Variants in IL6 observed in about 807,000 individuals in gnomAD.
The protein encoded by IL6 is interleukin-6.
Under a neutral mutation model 18.0 loss-of-function variants are expected in IL6, and 5 were observed. That is an observed-to-expected ratio of 0.28 (90% CI 0.15 to 0.58). The LOEUF is 0.58. IL6 is among the 20% of genes least tolerant of loss of function. IL6 has a pLI of 0.90. For missense variants in IL6, 266 were observed against 251.0 expected, an observed-to-expected ratio of 1.06 and a Z score of -0.40; for synonymous variants, 97 against 95.1, an observed-to-expected ratio of 1.02 and a Z score of -0.12.
chr7:22,728,033 T>G (rs1784048841), intron 2 of IL6, among the ~76,000 whole-genome samples: 1 of 152,214 alleles, frequency 6.6e-6, no homozygotes, highest in Non-Finnish European at 1.5e-5. Flanking sequence ...TTTGGTTATG[T>G]AAACTCAATG....
intron 1 of IL6, 71 bp from the exon 2 acceptor site, chr7:22,727,373 C>G (rs764525148): frequency 6.2e-7 from 1 of 1,613,142 alleles, no homozygotes; most frequent in Admixed American, 1.7e-5. Context: ...GGCTGGCGGG[C>G]GGCCAGCAGC....
Position 22,729,665 on chromosome 7 carries a change from G to A in IL6, c.471+5G>A, listed in dbSNP as rs747891634. 1 of 1,614,180 alleles carries A rather than the reference G, an allele frequency of 6.2e-7. No homozygotes were observed. The highest frequency in any genetic ancestry group is 8.5e-7 in the Non-Finnish European group (1 of 1,180,034). ...ATCCAGTTCCTGCAGAAAAAGGTGG[G>A]TGTGTCCTCATTCCCTCAACTTGGT... On this transcript the variant is annotated splice_donor_5th_base_variant and intron_variant, in intron 4 of 4. Coordinates refer to ENST00000258743, the MANE Select transcript of IL6 (RefSeq NM_000600.5).
In IL6 at chr7:22,731,627, A is replaced by G. The variant is rs1315274017; in HGVS notation, c.*54A>G. 1 of 1,398,462 alleles carries G rather than the reference A, an allele frequency of 7.2e-7. No homozygotes were observed. The highest frequency in any genetic ancestry group is 9.7e-7 in the Non-Finnish European group (1 of 1,028,064). 86.6% of individuals were successfully genotyped at this position (1,398,462 alleles called of 1,614,324 possible). On this transcript the variant is annotated 3_prime_UTR_variant, in exon 5 of 5. Coordinates refer to ENST00000258743, the MANE Select transcript of IL6 (RefSeq NM_000600.5). Reference sequence around the variant, plus strand: ...TGGGCATTCCTTCTTCTGGTCAGAAACCTGTCCACTGGGCACAGAACTTAT... The same window carrying G: ...TGGGCATTCCTTCTTCTGGTCAGAAGCCTGTCCACTGGGCACAGAACTTAT...
intron 2 of IL6, chr7:22,728,472 G>A (rs1354086516): frequency 2.0e-6 from 1 of 510,090 alleles, no homozygotes; most frequent in Non-Finnish European, 3.5e-6. Flanking sequence ...TAAGGAAACT[G>A]AGACTCAGGA....
At position 22,731,519 on chromosome 7, in the gene IL6, G is replaced by T. The variant is rs746082440; in HGVS notation, c.585G>T (p.Leu195=). The change falls in exon 5 of 5, where the codon CTG becomes CTT. Residue 195 remains leucine (L), a synonymous_variant. Transcript: ENST00000258743. Reference sequence around the variant, plus strand: ...AGGACATGACAACTCATCTCATTCTGCGCAGCTTTAAGGAGTTCCTGCAGT... The same window carrying T: ...AGGACATGACAACTCATCTCATTCTTCGCAGCTTTAAGGAGTTCCTGCAGT... ...WLQDMTTHLI[L]RSFKEFLQSS... is the part of the protein sequence containing the mutation. 1 of 1,610,992 alleles carries T rather than the reference G, an allele frequency of 6.2e-7. No homozygotes were observed. Among genetic ancestry groups the T allele is most frequent in the Non-Finnish European group, 8.5e-7 (1 of 1,177,680 alleles).
chr7:22,728,822 A>G lies in IL6; in HGVS notation c.324+16A>G. On this transcript the variant is annotated intron_variant, in intron 3 of 4. Coordinates refer to ENST00000258743, the MANE Select transcript of IL6 (RefSeq NM_000600.5). ...ATTCAATGAGGTACCAACTTGTCGC[A>G]CTCACTTTTCACTATTCCTTAGGCA... 1 of 1,460,858 alleles carries G rather than the reference A, an allele frequency of 6.8e-7. No individual in the cohort carries two copies. The highest frequency in any genetic ancestry group is 9.6e-7 in the Non-Finnish European group (1 of 1,040,650). The allele number at this position is 1,460,858 out of a possible 1,614,324, so 90.5% of individuals were successfully genotyped here. A position where few individuals can be genotyped will look rare whatever the true frequency, so the allele number is the denominator to read the frequency against.
Position 22,731,555 on chromosome 7 carries a change from G to A in IL6, c.621G>A (p.Arg207=), listed in dbSNP as rs774788213. The change falls in exon 5 of 5, where the codon AGG becomes AGA. Residue 207 remains arginine (R), a synonymous_variant. Coordinates refer to ENST00000258743, the MANE Select transcript of IL6 (RefSeq NM_000600.5). The part of the protein sequence containing the change: ...SFKEFLQSSL[R]ALRQM ...AGGAGTTCCTGCAGTCCAGCCTGAG[G>A]GCTCTTCGGCAAATGTAGCATGGGC... is the stretch of plus-strand genomic sequence containing the variant. 8 of 1,601,058 alleles carry A rather than the reference G, an allele frequency of 5.0e-6. No homozygotes were observed. Among genetic ancestry groups the A allele is most frequent in the South Asian group, 3.4e-5 (3 of 89,524 alleles).
chr7:22,730,926 C>T (rs1784113301), intron 4 of IL6, among the ~76,000 whole-genome samples: 1 of 152,016 alleles, frequency 6.6e-6, no homozygotes, highest in Non-Finnish European at 1.5e-5. Context: ...GGAGACAGAA[C>T]AGCAAAGGGA....
In IL6 at chr7:22,731,494, A is replaced by G; in HGVS notation, c.560A>G (p.Gln187Arg). ...TKLQAQNQWL[Q>R]DMTTHLILRS... Reference sequence around the variant, plus strand: ...CTGCAGGCACAGAACCAGTGGCTGCAGGACATGACAACTCATCTCATTCTG... The same window carrying G: ...CTGCAGGCACAGAACCAGTGGCTGCGGGACATGACAACTCATCTCATTCTG... Residue 187 changes from glutamine to arginine, a missense_variant, in exon 5 of 5, where the codon CAG becomes CGG. Coordinates refer to ENST00000258743, the MANE Select transcript of IL6 (RefSeq NM_000600.5). 1 of 1,609,774 alleles carries G rather than the reference A, an allele frequency of 6.2e-7. No individual in the cohort carries two copies. The highest frequency in any genetic ancestry group is 8.5e-7 in the Non-Finnish European group (1 of 1,176,788).
At chr7:22,728,509 T>C in intron 2 of IL6, 184 bp from the exon 3 acceptor site, 1 of 572,434 alleles carries the variant, frequency 1.7e-6, no homozygotes, top group Non-Finnish European at 3.1e-6. Flanking sequence ...AAGTCACAGG[T>C]GAGCTTGGAA....
chr7:22,728,210 G>A (rs771973834), intron 2 of IL6, among the ~76,000 whole-genome samples: 1 of 152,136 alleles, frequency 6.6e-6, no homozygotes, highest in South Asian at 2.1e-4. Flanking sequence ...GCCCACACTC[G>A]AATTCTGGTT....
Position 22,731,716 on chromosome 7 carries a change from A to G in IL6, c.*143A>G. The G allele has an allele frequency of 2.5e-6, 1 of 407,434 alleles. No homozygotes were observed. The highest frequency in any genetic ancestry group is 4.1e-6 in the Non-Finnish European group (1 of 245,412). The allele number at this position is 407,434 out of a possible 1,614,324, so 25.2% of individuals were successfully genotyped here. A position where few individuals can be genotyped will look rare whatever the true frequency, so the allele number is the denominator to read the frequency against. ...ACACTATTTTAATTATTTTTAATTT[A>G]TTAATATTTAAATATGTGAAGCTGA... is the stretch of plus-strand genomic sequence containing the variant. On this transcript the variant is annotated 3_prime_UTR_variant, in exon 5 of 5. Coordinates refer to ENST00000258743, the MANE Select transcript of IL6 (RefSeq NM_000600.5).
At chr7:22,729,459 C>G in intron 3 of IL6, 55 bp from the exon 4 acceptor site, 1 of 1,548,412 alleles carries the variant, frequency 6.5e-7, no homozygotes. Flanking sequence ...TTTAACTTTT[C>G]AAATTGATTC....
Position 22,727,590 on chromosome 7 carries a change from C to T in IL6, c.166C>T (p.Gln56Ter). Residue 56 changes from glutamine to a stop codon, truncating the protein, a stop_gained, in exon 2 of 5, where the codon CAA (glutamine) becomes TAA (stop). Transcript: ENST00000258743. LOFTEE classifies it high-confidence loss of function. Reference protein sequence around the residue: ...PLTSSERIDKQIRYILDGISA... With the variant: ...PLTSSERIDK The stretch of plus-strand genomic sequence containing the variant: ...CACCTCTTCAGAACGAATTGACAAA[C>T]AAATTCGGTACATCCTCGACGGCAT... 1 of 1,583,302 alleles carries T rather than the reference C, an allele frequency of 6.3e-7. No homozygotes were observed. Among genetic ancestry groups the T allele is most frequent in the Non-Finnish European group, 8.6e-7 (1 of 1,165,838 alleles).
chr7:22,727,567 C>G lies in IL6; in HGVS notation c.143C>G (p.Thr48Ser). ...GCCGCCCCACACAGACAGCCACTCA[C>G]CTCTTCAGAACGAATTGACAAACAA... ...DVAAPHRQPL[T>S]SSERIDKQIR... The change falls in exon 2 of 5, where the codon ACC (threonine) becomes AGC (serine). Residue 48 changes from threonine to serine, a missense_variant. By Grantham distance (58) the Thr-to-Ser change is moderately conservative. Coordinates refer to ENST00000258743, the MANE Select transcript of IL6 (RefSeq NM_000600.5). The G allele has an allele frequency of 6.2e-7, 1 of 1,605,188 alleles. No individual in the cohort carries two copies. Among genetic ancestry groups the G allele is most frequent in the East Asian group, 2.2e-5 (1 of 44,840 alleles).
At position 22,731,970 on chromosome 7, in the gene IL6, T is replaced by A. The variant is rs1306450546; in HGVS notation, c.*397T>A. ...TTATATAATGTATAAATGGTTTTTA[T>A]ACCAATAAATGGCATTTTAAAAAAT... is the stretch of plus-strand genomic sequence containing the variant. On this transcript the variant is annotated 3_prime_UTR_variant, in exon 5 of 5. Coordinates refer to ENST00000258743, the MANE Select transcript of IL6 (RefSeq NM_000600.5). 2.7e-5 allele frequency: 4 copies of A among 149,950 alleles called. No homozygotes were observed. The highest frequency in any genetic ancestry group is 6.7e-5 in the Admixed American group (1 of 14,930). The allele number at this position is 149,950 out of a possible 1,614,324, so 9.3% of individuals were successfully genotyped here.
intron 4 of IL6, 108 bp from the exon 5 acceptor site, chr7:22,731,298 C>A (rs1784119417): frequency 4.9e-6 from 4 of 817,308 alleles, no homozygotes; most frequent in Non-Finnish European, 5.5e-6. Context: ...TAATCTCATT[C>A]ACCCCACATT....
chr7:22,731,388 A>G lies in IL6; in HGVS notation c.472-18A>G, dbSNP rs751273236. ...ATTCAACATTTAAACAATCCTTTTT[A>G]CTTTCATTTTCCTTCAGGCAAAGAA... On this transcript the variant is annotated intron_variant, in intron 4 of 4. Transcript: ENST00000258743. The G allele has an allele frequency of 1.9e-6, 3 of 1,554,412 alleles. No individual in the cohort carries two copies. Among genetic ancestry groups the G allele is most frequent in the Middle Eastern group, 1.7e-4 (1 of 5,796 alleles).
rs1033396926 is a variant in IL6, at chr7:22,731,724, T to G, written c.*151T>G. On this transcript the variant is annotated 3_prime_UTR_variant, in exon 5 of 5. Transcript: ENST00000258743. ...TTAATTATTTTTAATTTATTAATAT[T>G]TAAATATGTGAAGCTGAGTTAATTT... The G allele has an allele frequency of 2.6e-6, 1 of 388,050 alleles. No homozygotes were observed. The highest frequency in any genetic ancestry group is 2.1e-5 in the African/African-American group (1 of 48,164). 24.0% of individuals were successfully genotyped at this position (388,050 alleles called of 1,614,324 possible).
Sources: allele counts gnomAD v4.1 joint callset (sites outside exome capture counted in the v4.1 genomes callset), GRCh38; gene constraint gnomAD v4.1.1; transcripts MANE v1.5; gene names NCBI Gene and HGNC (gene_info 2026-07-23, HGNC 2026-07-21).